The following EBAG9 variants were observed in gnomAD, a reference collection of about 807,000 sequenced individuals.
The protein encoded by EBAG9 is receptor-binding cancer antigen expressed on SiSo cells.
In EBAG9, 16 loss-of-function variants were observed where a neutral mutation model predicts 30.9. That is an observed-to-expected ratio of 0.52 (90% CI 0.35 to 0.79). The LOEUF is 0.79. Among genes scored for constraint, EBAG9 ranks in the 30% least tolerant of loss-of-function variants. The pLI is 0.01. For missense variants in EBAG9, 197 were observed against 242.1 expected (o/e 0.81, Z 1.24); for synonymous variants, 93 against 82.8 (o/e 1.12, Z -0.67).
chr8:109,564,763 A>C lies in EBAG9; in HGVS notation c.*204A>C, dbSNP rs867149379. The C allele has an allele frequency of 4.4e-5, 23 of 522,132 alleles. No homozygotes were observed. The highest frequency in any genetic ancestry group is 5.3e-4 in the Middle Eastern group (1 of 1,876). The allele number at this position is 522,132 out of a possible 1,614,324, so 32.3% of individuals were successfully genotyped here. A position where few individuals can be genotyped will look rare whatever the true frequency, so the allele number is the denominator to read the frequency against. On this transcript the variant is annotated 3_prime_UTR_variant, in exon 7 of 7. Transcript: ENST00000337573. ...CAAAAAAACAAAAAAGACTTGAGAC[A>C]ATGTTTTCTTCAACATGCTCCAAAT... is the stretch of plus-strand genomic sequence containing the variant.
intron 5 of EBAG9, among the ~76,000 whole-genome samples, chr8:109,559,446 A>C (rs1395294133): frequency 6.6e-6 from 1 of 152,224 alleles, no homozygotes; most frequent in Non-Finnish European, 1.5e-5. Flanking sequence ...TGACAGAGTG[A>C]GACCTTGTCT....
chr8:109,558,189 A>G (rs1298835708), intron 5 of EBAG9, among the ~76,000 whole-genome samples: 1 of 152,184 alleles, frequency 6.6e-6, no homozygotes, highest in Non-Finnish European at 1.5e-5. Context: ...CCCTCTTCCC[A>G]GGGGACCCAT....
In EBAG9 at chr8:109,554,466, C is replaced by G. The variant is rs546572764; in HGVS notation, c.163-263C>G. 2.0e-5 allele frequency among the ~76,000 whole-genome samples: 3 copies of G among 152,228 alleles called. No individual in the cohort carries two copies. The South Asian group carries it at 6.2e-4, about 32-fold the overall frequency. On this transcript the variant is annotated intron_variant, in intron 3 of 6. Coordinates refer to ENST00000337573, the MANE Select transcript of EBAG9 (RefSeq NM_004215.5). ...GTAGTTTTAATGTCAGTTCAGTTTT[C>G]AGAGCATTTGCTTTCGTTTTACTTT...
Position 109,553,851 on chromosome 8 carries a change from C to A in EBAG9, c.84-14C>A. 6.3e-7 allele frequency: 1 copy of A among 1,594,972 alleles called. No individual in the cohort carries two copies. The highest frequency in any genetic ancestry group is 1.2e-5 in the South Asian group (1 of 86,374). On this transcript the variant is annotated splice_polypyrimidine_tract_variant and intron_variant, in intron 2 of 6. Transcript: ENST00000337573. ...TGGTGGTTCTTGAAATAAATTATTT[C>A]ATTTTTGTTTCAGATCTGGCAGAGG...
At position 109,551,302 on chromosome 8, in the gene EBAG9, A is replaced by T. The variant is rs997379609; in HGVS notation, c.83+395A>T. 3.3e-5 allele frequency among the ~76,000 whole-genome samples: 5 copies of T among 151,314 alleles called. No homozygotes were observed. The South Asian group carries it at 6.3e-4, about 19-fold the overall frequency. Reference sequence around the variant, plus strand: ...CTACAATAGTGTTGTTTTTATATTTAAAAAAAAATCCTAAGAAAAATCCTA... The same window carrying T: ...CTACAATAGTGTTGTTTTTATATTTTAAAAAAAATCCTAAGAAAAATCCTA... On this transcript the variant is annotated intron_variant, in intron 2 of 6. Transcript: ENST00000337573.
At chr8:109,542,552 C>T (rs1008553223) in intron 1 of EBAG9, among the ~76,000 whole-genome samples, 4 of 152,102 alleles carry the variant, frequency 2.6e-5, no homozygotes, top group Non-Finnish European at 4.4e-5. Flanking sequence ...AAGTACCACA[C>T]GTTCTGTAGT....
chr8:109,541,832 A>G (rs1188528954), intron 1 of EBAG9, among the ~76,000 whole-genome samples: 1 of 152,210 alleles, frequency 6.6e-6, no homozygotes, highest in Non-Finnish European at 1.5e-5. Flanking sequence ...GACATTAAGT[A>G]AATACAGGTC....
chr8:109,543,097 A>G lies in EBAG9; in HGVS notation c.-16+2636A>G, dbSNP rs76427516. Among the ~76,000 whole-genome samples, 115 of 123,808 alleles carry G rather than the reference A, an allele frequency of 9.3e-4. 2 individuals carry two copies. In the East Asian group the frequency reaches 0.029, roughly 32 times the overall value. 81.2% of individuals were successfully genotyped at this position (123,808 alleles called of 152,430 possible). On this transcript the variant is annotated intron_variant, in intron 1 of 6. Coordinates refer to ENST00000337573, the MANE Select transcript of EBAG9 (RefSeq NM_004215.5). Reference sequence around the variant, plus strand: ...TGGTTGGGATGTTTTTGACAGAAGTATTTAAATAACTCGAGTACAATTTTT... The same window carrying G: ...TGGTTGGGATGTTTTTGACAGAAGTGTTTAAATAACTCGAGTACAATTTTT...
At chr8:109,548,234 CT>C (rs1015738940) in intron 1 of EBAG9, among the ~76,000 whole-genome samples, 5 of 151,560 alleles carry the variant, frequency 3.3e-5, no homozygotes, top group Middle Eastern at 3.4e-3. Flanking sequence ...TTAACCAGCA[CT>C]TTTTTTTTCT....
chr8:109,549,990 T>G (rs1821460282), intron 1 of EBAG9, among the ~76,000 whole-genome samples: 2 of 152,034 alleles, frequency 1.3e-5, no homozygotes, highest in Admixed American at 1.3e-4. Context: ...AGTGGGGCGG[T>G]CTTTCTTTCT....
At chr8:109,558,696 T>TA (rs912096042) in intron 5 of EBAG9, among the ~76,000 whole-genome samples, 3 of 152,146 alleles carry the variant, frequency 2.0e-5, no homozygotes, top group Non-Finnish European at 2.9e-5. Flanking sequence ...GGGCATTGCA[T>TA]AGGAGAGGAT....
intron 1 of EBAG9, among the ~76,000 whole-genome samples, chr8:109,547,107 C>T (rs1821400108): frequency 6.6e-6 from 1 of 152,080 alleles, no homozygotes; most frequent in South Asian, 2.1e-4. Flanking sequence ...CTCACTGCAA[C>T]CTCCGCATCC....
At chr8:109,544,654 G>C (rs2703389) in intron 1 of EBAG9, among the ~76,000 whole-genome samples, 31,164 of 152,112 alleles carry the variant, frequency 0.2, 3,477 homozygotes, top group East Asian at 0.33. Context: ...TCCATTATCA[G>C]TAATGTTATT....
chr8:109,539,747 C>A (rs1450548857), upstream of EBAG9: 3 of 152,310 alleles, frequency 2.0e-5, no homozygotes, highest in African/African-American at 4.8e-5. Flanking sequence ...GCAGAGGCAA[C>A]GCAGGCTGCT....
chr8:109,560,922 G>C lies in EBAG9; in HGVS notation c.514G>C (p.Val172Leu), dbSNP rs1379822224. ...AGATGCAGCCTGGCAAGCAGAAGAAGTTCTGAGGTATTTGAGTGGCATTTA... is the reference window on the plus strand; with the variant it reads ...AGATGCAGCCTGGCAAGCAGAAGAACTTCTGAGGTATTTGAGTGGCATTTA... ...EEDAAWQAEEVLRQQKLADRE... is the reference protein window; with the variant it reads ...EEDAAWQAEELLRQQKLADRE... Residue 172 changes from valine (V) to leucine (L), a missense_variant, in exon 6 of 7, where the codon GTT (valine) becomes CTT (leucine). Coordinates refer to ENST00000337573, the MANE Select transcript of EBAG9 (RefSeq NM_004215.5). The C allele has an allele frequency of 6.2e-7, 1 of 1,612,096 alleles. No individual in the cohort carries two copies. Among genetic ancestry groups the C allele is most frequent in the Non-Finnish European group, 8.5e-7 (1 of 1,178,838 alleles).
chr8:109,559,521 A>G (rs768766109), intron 5 of EBAG9, among the ~76,000 whole-genome samples: 6 of 152,138 alleles, frequency 3.9e-5, no homozygotes, highest in Non-Finnish European at 8.8e-5. Context: ...AAAGATAGAA[A>G]AGAAAGCCAG....
chr8:109,540,361 T>TTTTCACAATTTAA lies in EBAG9; in HGVS notation c.-116_-115insTTTCACAATTTAA, dbSNP rs1465957102. The stretch of plus-strand genomic sequence containing the variant: ...ACAATTTAAATCTCAGTTCACCTGG[T>TTTTCACAATTTAA]ATCCAGCTCCAGCAACTTAGAGCGT... On this transcript the variant is annotated 5_prime_UTR_variant, in exon 1 of 7. An upstream open reading frame in the 5' UTR gains an earlier in-frame stop. Coordinates refer to ENST00000337573, the MANE Select transcript of EBAG9 (RefSeq NM_004215.5). The TTTTCACAATTTAA allele has an allele frequency of 6.6e-6, 1 of 152,218 alleles. No homozygotes were observed. Among genetic ancestry groups the TTTTCACAATTTAA allele is most frequent in the Non-Finnish European group, 1.5e-5 (1 of 68,074 alleles). 9.4% of individuals were successfully genotyped at this position (152,218 alleles called of 1,614,324 possible). A position where few individuals can be genotyped will look rare whatever the true frequency, so the allele number is the denominator to read the frequency against.
At position 109,564,637 on chromosome 8, in the gene EBAG9, G is replaced by A; in HGVS notation, c.*78G>A. The A allele has an allele frequency of 1.9e-6, 3 of 1,570,202 alleles. No homozygotes were observed. Among genetic ancestry groups the A allele is most frequent in the Middle Eastern group, 3.4e-4 (2 of 5,802 alleles). On this transcript the variant is annotated 3_prime_UTR_variant, in exon 7 of 7. Transcript: ENST00000337573. ...AAGCAACATTTGTATGGATTTAAGA[G>A]TATTTTAAGAAGACATACTGCTTGA...
intron 1 of EBAG9, among the ~76,000 whole-genome samples, chr8:109,546,393 C>A (rs721076): frequency 0.14 from 20,806 of 152,160 alleles, 3,487 homozygotes; most frequent in African/African-American, 0.4. Context: ...CAACTGAAGC[C>A]GTAAGTATAT....
Sources: gnomAD v4.1 joint callset for allele counts (sites outside exome capture counted in the v4.1 genomes callset) on GRCh38, gnomAD v4.1.1 for gene constraint, MANE v1.5 for transcripts, NCBI Gene and HGNC (gene_info 2026-07-23, HGNC 2026-07-21) for gene names.